FBXL20: variants seen among roughly 807,000 people sequenced by gnomAD.
FBXL20 encodes the protein F-box/LRR-repeat protein 20.
Under a neutral mutation model 64.0 loss-of-function variants are expected in FBXL20, and 11 were observed. The ratio of observed to expected loss-of-function variants is 0.17; its 90% CI spans 0.11 to 0.28. The LOEUF (loss-of-function observed/expected upper bound fraction) is 0.28, where lower values mean the gene tolerates loss of function less well. Ranked by LOEUF, FBXL20 falls within the 10% of genes least tolerant of loss-of-function variation. The pLI, the probability that FBXL20 is intolerant of heterozygous loss-of-function variation, is 1.00. For synonymous variants in FBXL20, 184 were observed against 189.0 expected (o/e 0.97, Z 0.22); for missense variants, 303 against 526.2 (o/e 0.58, Z 4.15).
At chr17:39,381,181 A>G (rs1444191122) in intron 1 of FBXL20, among the ~76,000 whole-genome samples, 1 of 151,512 alleles carries the variant, frequency 6.6e-6, no homozygotes, top group Non-Finnish European at 1.5e-5. Context: ...AAAGTTGTTA[A>G]TAAAAGCTAA....
intron 12 of FBXL20, among the ~76,000 whole-genome samples, chr17:39,265,685 A>G (rs992092789): frequency 1.3e-5 from 2 of 150,102 alleles, no homozygotes; most frequent in Admixed American, 6.6e-5. Context: ...TAAATTAAAA[A>G]AATTTTTTTT....
chr17:39,363,883 C>CTTT (rs71147324), intron 1 of FBXL20, among the ~76,000 whole-genome samples: 544 of 48,692 alleles, frequency 0.011, 35 homozygotes, highest in African/African-American at 0.047. Flanking sequence ...TGAATCATAT[C>CTTT]TTTTTTTTTT....
intron 1 of FBXL20, among the ~76,000 whole-genome samples, chr17:39,365,352 G>A (rs558742567): frequency 7.9e-5 from 12 of 152,124 alleles, no homozygotes; most frequent in Admixed American, 3.3e-4. Context: ...TAATTCCTCC[G>A]CCCAACATCT....
In FBXL20 at chr17:39,335,488, C is replaced by T. The variant is rs139805547; in HGVS notation, c.104+7692G>A. 4.4e-3 allele frequency among the ~76,000 whole-genome samples: 648 copies of T among 147,474 alleles called. 7 individuals are homozygous for T. The highest frequency in any genetic ancestry group is 0.016 in the African/African-American group (616 of 39,622). On this transcript the variant is annotated intron_variant, in intron 2 of 14. Transcript: ENST00000264658. ...GTCCTAGCTACTTGGGAGGCTGAGG[C>T]AGGGGAATAGTTTGAACCCAGGAGG...
At chr17:39,342,987 A>G (rs1287769533) in intron 2 of FBXL20, among the ~76,000 whole-genome samples, 193 bp downstream of exon 2, 4 of 152,220 alleles carry the variant, frequency 2.6e-5, no homozygotes, top group Admixed American at 1.3e-4. Context: ...AATGGAAAAA[A>G]TTGGTACTAA....
At chr17:39,293,941 T>A (rs746912842) in intron 6 of FBXL20, among the ~76,000 whole-genome samples, 1 of 151,944 alleles carries the variant, frequency 6.6e-6, no homozygotes, top group Non-Finnish European at 1.5e-5. Flanking sequence ...GTCCTCTGCT[T>A]GGGCTCCCCC....
chr17:39,260,634 A>G lies in FBXL20; in HGVS notation c.*826T>C, dbSNP rs1021059092. Reference sequence around the variant, plus strand: ...ATTTATTGATAATATCTTTTTAAAAAATGTTTGGTAATCCCAACTAATCAT... The same window carrying G: ...ATTTATTGATAATATCTTTTTAAAAGATGTTTGGTAATCCCAACTAATCAT... On this transcript the variant is annotated 3_prime_UTR_variant, in exon 15 of 15. Coordinates refer to ENST00000264658, the MANE Select transcript of FBXL20 (RefSeq NM_032875.3). 2 of 152,588 alleles carry G rather than the reference A, an allele frequency of 1.3e-5. No homozygotes were observed. The allele number at this position is 152,588 out of a possible 1,614,324, so 9.5% of individuals were successfully genotyped here.
intron 1 of FBXL20, among the ~76,000 whole-genome samples, chr17:39,365,609 T>TG (rs200908877): frequency 0.011 from 1,629 of 151,530 alleles, 26 homozygotes; most frequent in African/African-American, 0.037. Flanking sequence ...CCCAAACCTA[T>TG]GTCCACTACC....
intron 11 of FBXL20, among the ~76,000 whole-genome samples, chr17:39,269,376 G>C (rs1259612339): frequency 6.6e-6 from 1 of 151,620 alleles, no homozygotes; most frequent in Non-Finnish European, 1.5e-5. Context: ...TGCATTTTTA[G>C]TAGAGACGGG....
At chr17:39,402,407 G>T (rs1042736098), upstream of FBXL20, 11 of 403,084 alleles carry the variant, frequency 2.7e-5, no homozygotes, top group African/African-American at 2.1e-4. Flanking sequence ...GAGGGCGAGG[G>T]TGGTTGCGCT....
At chr17:39,375,581 G>GGATA (rs1439703833) in intron 1 of FBXL20, among the ~76,000 whole-genome samples, 4 of 152,008 alleles carry the variant, frequency 2.6e-5, no homozygotes, top group Non-Finnish European at 5.9e-5. Context: ...TTAAGGTGAT[G>GGATA]GATACCCAAG....
At chr17:39,300,351 A>C (rs569577357) in intron 4 of FBXL20, among the ~76,000 whole-genome samples, 1 of 152,322 alleles carries the variant, frequency 6.6e-6, no homozygotes, top group Admixed American at 6.5e-5. Context: ...AATCCTTAAG[A>C]AGCCATGAAG....
At chr17:39,288,854 C>A (rs1046838526) in intron 6 of FBXL20, among the ~76,000 whole-genome samples, 16 of 151,962 alleles carry the variant, frequency 1.1e-4, no homozygotes, top group African/African-American at 3.9e-4. Flanking sequence ...GAGGCACGTG[C>A]CGCCACACTC....
chr17:39,300,527 C>T (rs141222821), intron 4 of FBXL20, among the ~76,000 whole-genome samples: 57 of 152,282 alleles, frequency 3.7e-4, no homozygotes, highest in Admixed American at 1.3e-3. Context: ...ACTTCTCTCT[C>T]TAGCAAAAAC....
intron 2 of FBXL20, among the ~76,000 whole-genome samples, chr17:39,312,919 T>A (rs1024986656): frequency 1.8e-5 from 1 of 54,352 alleles, no homozygotes; most frequent in African/African-American, 3.4e-4. Flanking sequence ...AGATAGTTAC[T>A]TTTTTTTTTT....
At chr17:39,265,753 G>A (rs564074571) in intron 12 of FBXL20, among the ~76,000 whole-genome samples, 53 of 149,908 alleles carry the variant, frequency 3.5e-4, no homozygotes, top group Admixed American at 1.3e-3. Context: ...GAATTCCTGA[G>A]CTCAAGCAAT....
intron 2 of FBXL20, 35 bp from the exon 3 acceptor site, chr17:39,303,674 T>C: frequency 1.3e-6 from 2 of 1,557,768 alleles, no homozygotes. Flanking sequence ...AATTTTATTG[T>C]ATGATAAAGT....
rs1313348555 is a variant in FBXL20, at chr17:39,260,389, T to C, written c.*1071A>G. The C allele has an allele frequency of 2.0e-5, 3 of 152,140 alleles. No homozygotes were observed. The highest frequency in any genetic ancestry group is 4.4e-5 in the Non-Finnish European group (3 of 68,018). 9.4% of individuals were successfully genotyped at this position (152,140 alleles called of 1,614,324 possible). ...ATCTCTCTCTTTCCTTATGATACAGTTGGTGGAGTCTGACAGAAGGAAGAA... is the reference window on the plus strand; with the variant it reads ...ATCTCTCTCTTTCCTTATGATACAGCTGGTGGAGTCTGACAGAAGGAAGAA... On this transcript the variant is annotated 3_prime_UTR_variant, in exon 15 of 15. Coordinates refer to ENST00000264658, the MANE Select transcript of FBXL20 (RefSeq NM_032875.3).
chr17:39,333,017 G>T (rs933766459), intron 2 of FBXL20, among the ~76,000 whole-genome samples: 5 of 150,990 alleles, frequency 3.3e-5, no homozygotes, highest in African/African-American at 1.2e-4. Flanking sequence ...TACCCAGGCT[G>T]GTCTCTAACT....
Sources: allele counts gnomAD v4.1 joint callset (sites outside exome capture counted in the v4.1 genomes callset), GRCh38; gene constraint gnomAD v4.1.1; transcripts MANE v1.5; gene names NCBI Gene and HGNC (gene_info 2026-07-23, HGNC 2026-07-21).